PIEZO2: variants seen among roughly 807,000 people sequenced by gnomAD.
PIEZO2 encodes the protein piezo-type mechanosensitive ion channel component 2.
PIEZO2 carries 172 observed loss-of-function variants against 337.3 expected under a neutral mutation model. The observed-to-expected ratio is 0.51, with a 90% confidence interval of 0.45 to 0.58. The LOEUF is 0.58. Among genes scored for constraint, PIEZO2 ranks in the 20% least tolerant of loss-of-function variants. PIEZO2 has a pLI of 0.00. For synonymous variants in PIEZO2, 1,251 were observed against 1,228.5 expected (o/e 1.02, Z -0.38); for missense variants, 3,028 against 3,391.3 (o/e 0.89, Z 2.66).
rs973818869 is a variant in PIEZO2 at position 11,038,416 on chromosome 18, G to C, written c.160+27711C>G. ...TAAAAGGTAACCATTCCCATGCCAA[G>C]TGTAAGCCGGAGGCCCTTATTTAAG... On this transcript the variant is annotated intron_variant, in intron 2 of 55. Coordinates refer to ENST00000674853, the MANE Select transcript of PIEZO2 (RefSeq NM_001378183.1). This position sits in a 1 kb window ranked among gnomAD's most constrained non-coding sequence, Gnocchi z 4.1. Among the ~76,000 whole-genome samples the C allele has an allele frequency of 6.6e-6, 1 of 152,142 alleles. No individual in the cohort carries two copies. The highest frequency in any genetic ancestry group is 1.5e-5 in the Non-Finnish European group (1 of 68,028).
At position 10,671,247 on chromosome 18, in the gene PIEZO2, A is replaced by T. The variant is rs991185817; in HGVS notation, c.*280T>A. On this transcript the variant is annotated 3_prime_UTR_variant, in exon 56 of 56. Transcript: ENST00000674853. ...CTCTTAGGGACGGGGCCCATAAATG[A>T]TTCCTTCACATGATCAATCAGAATG... 8 of 275,902 alleles carry T rather than the reference A, an allele frequency of 2.9e-5. No homozygotes were observed. The highest frequency in any genetic ancestry group is 1.1e-4 in the African/African-American group (5 of 44,800). 17.1% of individuals were successfully genotyped at this position (275,902 alleles called of 1,614,324 possible). A position where few individuals can be genotyped will look rare whatever the true frequency, so the allele number is the denominator to read the frequency against.
intron 3 of PIEZO2, among the ~76,000 whole-genome samples, chr18:10,956,665 G>A (rs866072872): frequency 7.9e-5 from 12 of 152,158 alleles, no homozygotes; most frequent in East Asian, 1.9e-4. Flanking sequence ...AAACAGTATC[G>A]TATTGGCATA....
At chr18:10,927,271 A>C (rs1383514861) in intron 3 of PIEZO2, among the ~76,000 whole-genome samples, 1 of 152,172 alleles carries the variant, frequency 6.6e-6, no homozygotes, top group East Asian at 1.9e-4. Context: ...CCCCTTTGGA[A>C]GCTCAAGTTC....
chr18:10,752,981 C>A (rs752632143), intron 27 of PIEZO2, 102 bp from the exon 28 acceptor site: 46 of 1,360,964 alleles, frequency 3.4e-5, no homozygotes, highest in Non-Finnish European at 4.5e-5. Context: ...CTCTCTGCTG[C>A]ACCTTGCAAA....
chr18:10,674,689 G>T (rs1470110750), intron 54 of PIEZO2, among the ~76,000 whole-genome samples: 1 of 152,224 alleles, frequency 6.6e-6, no homozygotes, highest in Non-Finnish European at 1.5e-5. Context: ...ATCTGCTTCT[G>T]GTTCAAGCCA....
chr18:10,991,760 G>A (rs1292396048), intron 2 of PIEZO2, among the ~76,000 whole-genome samples: 1 of 152,100 alleles, frequency 6.6e-6, no homozygotes, highest in Non-Finnish European at 1.5e-5. Context: ...TGGGATTGCT[G>A]GGTCAAATGG....
At chr18:10,675,334 A>G in intron 53 of PIEZO2, 46 bp from the exon 54 acceptor site, 1 of 1,248,458 alleles carries the variant, frequency 8.0e-7, no homozygotes, top group Non-Finnish European at 1.1e-6. Context: ...TAGTTGTTTT[A>G]CCCACCTAAA....
intron 4 of PIEZO2, among the ~76,000 whole-genome samples, chr18:10,880,870 T>C (rs1326998914): frequency 1.7e-4 from 13 of 78,600 alleles, no homozygotes; most frequent in African/African-American, 7.9e-4. Context: ...TATATATATA[T>C]ATATATATAT....
At chr18:10,756,209 G>A (rs2037838300) in intron 27 of PIEZO2, among the ~76,000 whole-genome samples, 2 of 150,204 alleles carry the variant, frequency 1.3e-5, no homozygotes, top group Admixed American at 6.6e-5. Context: ...GGGATAAGGA[G>A]GAGGGATGGG....
intron 8 of PIEZO2, among the ~76,000 whole-genome samples, chr18:10,805,805 T>C (rs898930080): frequency 6.6e-6 from 1 of 152,220 alleles, no homozygotes; most frequent in South Asian, 2.1e-4. Flanking sequence ...ATCCCACAGA[T>C]GGCTGTTAGC....
Position 10,758,062 on chromosome 18 carries a change from C to T in PIEZO2, c.3830G>A (p.Arg1277Gln), listed in dbSNP as rs775635798. 16 of 1,537,358 alleles carry T rather than the reference C, an allele frequency of 1.0e-5. No individual in the cohort carries two copies. In the East Asian group the frequency reaches 1.5e-4, roughly 14 times the overall value. The stretch of plus-strand genomic sequence containing the variant: ...CTCGACATTGTCACCTGCCATGATT[C>T]GCACTGCAGCCTTGTTCTCATCCTC... Reference protein sequence around the residue: ...IFEDENKAAVRIMAGDNVEIC... With the variant: ...IFEDENKAAVQIMAGDNVEIC... The change falls in exon 27 of 56, where the codon CGA becomes CAA. Residue 1277 changes from arginine (R) to glutamine (Q), a missense_variant. Physicochemically the swap from Arg to Gln is conservative, Grantham distance 43 (BLOSUM62 1). Around this residue, in one of 5 missense-constraint regions of PIEZO2, gnomAD observed 1,925 missense variants for 2,051.9 expected, o/e 0.94. Transcript: ENST00000674853.
chr18:10,704,834 G>A (rs1321401198), intron 41 of PIEZO2, among the ~76,000 whole-genome samples, 182 bp from the exon 42 acceptor site: 1 of 152,056 alleles, frequency 6.6e-6, no homozygotes, highest in Non-Finnish European at 1.5e-5. Flanking sequence ...ACAGGTGCCT[G>A]CCACCACACC....
chr18:11,040,962 G>A (rs905053804), intron 2 of PIEZO2, among the ~76,000 whole-genome samples: 3 of 152,098 alleles, frequency 2.0e-5, no homozygotes, highest in African/African-American at 7.2e-5. Context: ...GGAATGGTCC[G>A]AAAGTCCTTG....
intron 39 of PIEZO2, among the ~76,000 whole-genome samples, chr18:10,709,757 C>T (rs1280601215): frequency 6.6e-6 from 1 of 152,220 alleles, no homozygotes; most frequent in Admixed American, 6.5e-5. Context: ...CCAGTGGGGC[C>T]GGCCATGCTG....
At position 10,828,580 on chromosome 18, in the gene PIEZO2, G is replaced by T. The variant is rs187650004; in HGVS notation, c.918-21306C>A. Among the ~76,000 whole-genome samples the T allele has an allele frequency of 1.3e-5, 2 of 152,266 alleles. No homozygotes were observed. Among genetic ancestry groups the T allele is most frequent in the Admixed American group, 1.3e-4 (2 of 15,296 alleles). ...GGATCATTGAATTATTGCAAAGTGT[G>T]TGAGATATTGGTGCCCAGAGAGGGT... On this transcript the variant is annotated intron_variant, in intron 7 of 55. Coordinates refer to ENST00000674853, the MANE Select transcript of PIEZO2 (RefSeq NM_001378183.1). The surrounding 1 kb of genome is among the most constrained non-coding windows in gnomAD (Gnocchi z 4.1).
intron 3 of PIEZO2, among the ~76,000 whole-genome samples, chr18:10,977,241 T>A (rs960104120): frequency 1.3e-5 from 2 of 151,826 alleles, no homozygotes; most frequent in African/African-American, 4.8e-5. Flanking sequence ...ACTTCCACCC[T>A]CCAGCCACCT....
chr18:10,860,989 T>TAA (rs2041856852), intron 5 of PIEZO2, among the ~76,000 whole-genome samples: 1 of 152,224 alleles, frequency 6.6e-6, no homozygotes, highest in African/African-American at 2.4e-5. Flanking sequence ...CGAGACGGGT[T>TAA]AGACTCTGTG....
At chr18:10,728,714 G>C (rs1389990319) in intron 36 of PIEZO2, among the ~76,000 whole-genome samples, 1 of 152,006 alleles carries the variant, frequency 6.6e-6, no homozygotes, top group East Asian at 1.9e-4. Flanking sequence ...CCAGCACTTT[G>C]GGAGGCCGAG....
Position 11,132,886 on chromosome 18 carries a change from T to C in PIEZO2, c.64+15639A>G, listed in dbSNP as rs935296394. The stretch of plus-strand genomic sequence containing the variant: ...TCTTAGTATTACCATGCTCTGTGAT[T>C]AAGGTCAATGGGAAACTACAACAGC... On this transcript the variant is annotated intron_variant, in intron 1 of 55. Transcript: ENST00000674853. This position sits in a 1 kb window ranked among gnomAD's most constrained non-coding sequence, Gnocchi z 4.7. Among the ~76,000 whole-genome samples the C allele has an allele frequency of 2.6e-5, 4 of 152,118 alleles. No homozygotes were observed. The highest frequency in any genetic ancestry group is 9.7e-5 in the African/African-American group (4 of 41,406).
Sources: gnomAD v4.1 joint callset for allele counts (sites outside exome capture counted in the v4.1 genomes callset) on GRCh38, gnomAD v4.1.1 for gene constraint, gnomAD v4.1.1 regional missense constraint, Gnocchi (gnomAD v3.1) non-coding constraint, MANE v1.5 for transcripts, NCBI Gene and HGNC (gene_info 2026-07-23, HGNC 2026-07-21) for gene names.